The following DNAJC10 variants were observed in gnomAD, a reference collection of about 807,000 sequenced individuals.
DNAJC10 encodes endoplasmic reticulum disulfide reductase DNAJC10.
Under a neutral mutation model 115.0 loss-of-function variants are expected in DNAJC10, and 101 were observed. The observed-to-expected ratio is 0.88, with a 90% CI of 0.75 to 1.04. The LOEUF (loss-of-function observed/expected upper bound fraction) is 1.04, where lower values mean the gene tolerates loss of function less well. Ranked by LOEUF, DNAJC10 falls within the 50% of genes least tolerant of loss-of-function variation. DNAJC10 has a pLI of 0.00. For missense variants in DNAJC10, 981 were observed against 928.8 expected (o/e 1.06, Z -0.73); for synonymous variants, 307 against 301.5 (o/e 1.02, Z -0.19).
At chr2:182,772,455 T>TC (rs1694591075) in intron 22 of DNAJC10, among the ~76,000 whole-genome samples, 1 of 152,156 alleles carries the variant, frequency 6.6e-6, no homozygotes, top group East Asian at 1.9e-4. Context: ...AGTCTAAGTG[T>TC]CTTTGTAGGT....
chr2:182,761,683 T>G (rs1428719904), intron 21 of DNAJC10, among the ~76,000 whole-genome samples: 2 of 152,038 alleles, frequency 1.3e-5, no homozygotes, highest in East Asian at 3.9e-4. Context: ...GAAAAGTGGG[T>G]TCAGGGGACA....
At chr2:182,763,130 G>A (rs1001363460) in intron 22 of DNAJC10, among the ~76,000 whole-genome samples, 3 of 151,958 alleles carry the variant, frequency 2.0e-5, no homozygotes, top group Admixed American at 2.0e-4. Context: ...GAAAGGTTAT[G>A]GTGACTGTTG....
At position 182,731,038 on chromosome 2, in the gene DNAJC10, G is replaced by C. The variant is rs1010551243; in HGVS notation, c.736G>C (p.Val246Leu). 1 of 1,608,654 alleles carries C rather than the reference G, an allele frequency of 6.2e-7. No homozygotes were observed. Among genetic ancestry groups the C allele is most frequent in the South Asian group, 1.1e-5 (1 of 89,684 alleles). The change falls in exon 9 of 24, where the codon GTC becomes CTC. Residue 246 changes from valine (V) to leucine (L), a missense_variant. Physicochemically the swap from Val to Leu is conservative, Grantham distance 32. Coordinates refer to ENST00000264065, the MANE Select transcript of DNAJC10 (RefSeq NM_018981.4). Reference sequence around the variant, plus strand: ...TTTCTTTTATTTTTAAGGAAATTTTGTCAACTCCATACAAACTGCTTTTGC... The same window carrying C: ...TTTCTTTTATTTTTAAGGAAATTTTCTCAACTCCATACAAACTGCTTTTGC... ...TVTELWTGNF[V>L]NSIQTAFAAG...
rs144389796 is a variant in DNAJC10 at position 182,756,923 on chromosome 2, G to A, written c.1809+454G>A. Among the ~76,000 whole-genome samples, 185 of 152,264 alleles carry A rather than the reference G, an allele frequency of 1.2e-3. 1 individual carries two copies. Among genetic ancestry groups the A allele is most frequent in the African/African-American group, 4.2e-3 (174 of 41,558 alleles). ...CAAAGTGCTGGGATTACAAACATGA[G>A]CCTCCGTGCCCAGTATATCCAGTAC... On this transcript the variant is annotated intron_variant, in intron 18 of 23. Coordinates refer to ENST00000264065, the MANE Select transcript of DNAJC10 (RefSeq NM_018981.4).
intron 11 of DNAJC10, among the ~76,000 whole-genome samples, chr2:182,739,300 G>A (rs1693671633): frequency 6.7e-6 from 1 of 148,936 alleles, no homozygotes; most frequent in South Asian, 2.1e-4. Context: ...GAAAAAACCT[G>A]AATTTTTATT....
chr2:182,751,998 A>T, intron 15 of DNAJC10, 74 bp from the exon 16 acceptor site: 2 of 1,288,736 alleles, frequency 1.6e-6, no homozygotes, highest in Non-Finnish European at 2.2e-6. Flanking sequence ...TTAGCATATT[A>T]CTTGTTGCAG....
At chr2:182,776,316 C>CTT (rs1444469654) in intron 23 of DNAJC10, among the ~76,000 whole-genome samples, 1 of 152,162 alleles carries the variant, frequency 6.6e-6, no homozygotes, top group Non-Finnish European at 1.5e-5. Flanking sequence ...GTTGGCCCCT[C>CTT]TTTGAATCTT....
intron 11 of DNAJC10, among the ~76,000 whole-genome samples, chr2:182,737,092 G>A (rs937113124): frequency 6.6e-6 from 1 of 152,218 alleles, no homozygotes; most frequent in Non-Finnish European, 1.5e-5. Context: ...ATCAGTGGTA[G>A]TTTTGGCTGG....
At chr2:182,744,115 T>C (rs916819793) in intron 14 of DNAJC10, among the ~76,000 whole-genome samples, 9 of 152,368 alleles carry the variant, frequency 5.9e-5, no homozygotes, top group African/African-American at 1.7e-4. Flanking sequence ...TTAACTGCCT[T>C]GTTATCTTTC....
chr2:182,728,553 G>T (rs1358060153), intron 5 of DNAJC10, 23 bp from the exon 6 acceptor site: 1 of 1,541,056 alleles, frequency 6.5e-7, no homozygotes, highest in Admixed American at 1.7e-5. Context: ...ATTCTAAGTT[G>T]TTTGCATTTT....
intron 17 of DNAJC10, 145 bp downstream of exon 17, chr2:182,755,249 A>T: frequency 1.6e-6 from 1 of 627,560 alleles, no homozygotes; most frequent in Non-Finnish European, 2.8e-6. Flanking sequence ...AATTTTTCTA[A>T]TGTTTTACTC....
intron 14 of DNAJC10, among the ~76,000 whole-genome samples, chr2:182,749,570 TC>T (rs1292022247): frequency 6.6e-6 from 1 of 151,738 alleles, no homozygotes; most frequent in African/African-American, 2.4e-5. Flanking sequence ...GAGATGGGTT[TC>T]CTGAATACAG....
intron 2 of DNAJC10, among the ~76,000 whole-genome samples, chr2:182,717,315 A>G (rs981464409): frequency 3.3e-5 from 5 of 152,206 alleles, no homozygotes; most frequent in African/African-American, 1.2e-4. Flanking sequence ...CAATAAAATT[A>G]CACTGGTAAC....
chr2:182,719,855 C>T, intron 3 of DNAJC10, 152 bp from the exon 4 acceptor site: 1 of 326,638 alleles, frequency 3.1e-6, no homozygotes, highest in Non-Finnish European at 5.5e-6. Flanking sequence ...CATTTCAACC[C>T]ATGGTAACTC....
intron 14 of DNAJC10, among the ~76,000 whole-genome samples, chr2:182,747,230 A>G (rs1185581094): frequency 6.6e-6 from 1 of 150,880 alleles, no homozygotes; most frequent in Non-Finnish European, 1.5e-5. Flanking sequence ...TTTTGGTTCC[A>G]TATGAACTTT....
At chr2:182,745,870 C>A (rs1275221607) in intron 14 of DNAJC10, among the ~76,000 whole-genome samples, 1 of 152,158 alleles carries the variant, frequency 6.6e-6, no homozygotes, top group African/African-American at 2.4e-5. Context: ...GTATATCTCC[C>A]CATGCTATGT....
intron 18 of DNAJC10, among the ~76,000 whole-genome samples, chr2:182,756,687 T>C (rs78302505): frequency 6.6e-6 from 1 of 152,068 alleles, no homozygotes; most frequent in East Asian, 1.9e-4. Context: ...TTTTTTTTTT[T>C]GGTCGGGTAG....
intron 2 of DNAJC10, 96 bp from the exon 3 acceptor site, chr2:182,717,845 T>C (rs1206415581): frequency 6.4e-6 from 2 of 313,276 alleles, no homozygotes; most frequent in Admixed American, 4.9e-5. Flanking sequence ...TGCCATTTAA[T>C]GGAGATTGTA....
chr2:182,751,829 C>A (rs767960041), intron 15 of DNAJC10, 44 bp downstream of exon 15: 1 of 1,591,270 alleles, frequency 6.3e-7, no homozygotes, highest in African/African-American at 1.4e-5. Context: ...GTCAGATCTT[C>A]TCCTGTTATG....
Sources: allele counts gnomAD v4.1 joint callset (sites outside exome capture counted in the v4.1 genomes callset), GRCh38; gene constraint gnomAD v4.1.1; transcripts MANE v1.5; gene names NCBI Gene and HGNC (gene_info 2026-07-23, HGNC 2026-07-21).